Variants in TMA16 observed in about 807,000 individuals in gnomAD.
TMA16 encodes the protein translation machinery associated 16 homolog.
A neutral mutation model predicts 27.1 loss-of-function variants in TMA16; 26 were observed. The ratio of observed to expected loss-of-function variants is 0.96; its 90% CI spans 0.70 to 1.33. The LOEUF is 1.33. Ranked by LOEUF, TMA16 falls within the 40% of genes most tolerant of loss-of-function variation. TMA16 has a pLI of 0.00. For missense variants in TMA16, 233 were observed against 241.4 expected (o/e 0.97, Z 0.23); for synonymous variants, 71 against 81.9 (o/e 0.87, Z 0.72).
At chr4:163,498,891 C>T (rs1246101546) in intron 1 of TMA16, among the ~76,000 whole-genome samples, 1 of 152,092 alleles carries the variant, frequency 6.6e-6, no homozygotes, top group Non-Finnish European at 1.5e-5. Flanking sequence ...CTTCTGGCTT[C>T]AAATGATCTA....
intron 5 of TMA16, 112 bp from the exon 6 acceptor site, chr4:163,517,322 C>T (rs964496782): frequency 5.7e-6 from 6 of 1,058,848 alleles, no homozygotes; most frequent in African/African-American, 3.3e-5. Flanking sequence ...AGCAATACTT[C>T]GAAATTTTGT....
rs1318304177 is a variant in TMA16 at position 163,515,453 on chromosome 4, A to G, written c.380A>G (p.Tyr127Cys). ...CGGGAGCGACAGCAGTTTGAGGGAT[A>G]TGGCCTTGGTGTGCTCACTGATTTT... Reference protein sequence around the residue: ...MERERQQFEGYGLEIPDILNA... With the variant: ...MERERQQFEGCGLEIPDILNA... The change falls in exon 5 of 7, where the codon TAT becomes TGT. Residue 127 changes from tyrosine to cysteine, a missense_variant. By Grantham distance (194) the Tyr-to-Cys change is radical. Coordinates refer to ENST00000358572, the MANE Select transcript of TMA16 (RefSeq NM_018352.3). 9 of 1,613,474 alleles carry G rather than the reference A, an allele frequency of 5.6e-6. No homozygotes were observed. Among genetic ancestry groups the G allele is most frequent in the African/African-American group, 1.3e-5 (1 of 74,876 alleles).
intron 3 of TMA16, among the ~76,000 whole-genome samples, chr4:163,513,825 A>G (rs1440447461): frequency 6.6e-6 from 1 of 152,116 alleles, no homozygotes; most frequent in African/African-American, 2.4e-5. Flanking sequence ...TTTTGCATCC[A>G]TATTGGATAA....
chr4:163,495,105 C>T (rs1297154735), intron 1 of TMA16, among the ~76,000 whole-genome samples: 2 of 152,126 alleles, frequency 1.3e-5, no homozygotes, highest in Non-Finnish European at 2.9e-5. Context: ...CGGCACCTTT[C>T]CATTGTAACG....
intron 1 of TMA16, among the ~76,000 whole-genome samples, chr4:163,504,783 G>A (rs1737697132): frequency 6.6e-6 from 1 of 152,212 alleles, no homozygotes; most frequent in African/African-American, 2.4e-5. Flanking sequence ...ACAGGCATGA[G>A]CCACCATGCT....
At chr4:163,500,187 GT>G (rs935110476) in intron 1 of TMA16, among the ~76,000 whole-genome samples, 2 of 148,796 alleles carry the variant, frequency 1.3e-5, no homozygotes, top group African/African-American at 4.9e-5. Context: ...GAAACGTATA[GT>G]TTATTTATCC....
Position 163,519,887 on chromosome 4 carries a change from A to G in TMA16, c.*373A>G. 1 of 533,158 alleles carries G rather than the reference A, an allele frequency of 1.9e-6. No homozygotes were observed. The highest frequency in any genetic ancestry group is 2.0e-5 in the South Asian group (1 of 50,780). The allele number at this position is 533,158 out of a possible 1,614,324, so 33.0% of individuals were successfully genotyped here. A position where few individuals can be genotyped will look rare whatever the true frequency, so the allele number is the denominator to read the frequency against. On this transcript the variant is annotated 3_prime_UTR_variant, in exon 7 of 7. Transcript: ENST00000358572. ...TGTTTCCTGAAAGATTCCTGTGGGTACTTTTTGAGCTGTGATAATAGCAAA... is the reference window on the plus strand; with the variant it reads ...TGTTTCCTGAAAGATTCCTGTGGGTGCTTTTTGAGCTGTGATAATAGCAAA...
chr4:163,498,576 T>C (rs1024386595), intron 1 of TMA16, among the ~76,000 whole-genome samples: 3 of 152,202 alleles, frequency 2.0e-5, no homozygotes, highest in African/African-American at 7.2e-5. Context: ...CATGAGCCAC[T>C]GTGCCCGGCT....
In TMA16 at chr4:163,514,224, A is replaced by G. The variant is rs1012967337; in HGVS notation, c.239+66A>G. The G allele has an allele frequency of 1.0e-5, 13 of 1,282,750 alleles. 1 individual carries two copies. Among genetic ancestry groups the G allele is most frequent in the South Asian group, 7.5e-5 (5 of 66,758 alleles). The allele number at this position is 1,282,750 out of a possible 1,614,324, so 79.5% of individuals were successfully genotyped here. On this transcript the variant is annotated intron_variant, in intron 4 of 6. Transcript: ENST00000358572. ...GAATTGTCCAGCCTGGTTCTTTAAG[A>G]CACAGAGCTCTGTTACGGATTTGCA... is the stretch of plus-strand genomic sequence containing the variant.
chr4:163,520,287 A>G lies in TMA16; in HGVS notation c.*773A>G, dbSNP rs185524387. ...TTTTTCTTCTAAGAGATAAATTGAT[A>G]TATCATTCAGTGTCATGAAAAACAT... On this transcript the variant is annotated 3_prime_UTR_variant, in exon 7 of 7. Transcript: ENST00000358572. 411 of 205,856 alleles carry G rather than the reference A, an allele frequency of 2.0e-3. 1 individual carries two copies. Among genetic ancestry groups the G allele is most frequent in the Admixed American group, 3.7e-3 (62 of 16,608 alleles). The allele number at this position is 205,856 out of a possible 1,614,324, so 12.8% of individuals were successfully genotyped here.
chr4:163,519,744 A>C lies in TMA16; in HGVS notation c.*230A>C. On this transcript the variant is annotated 3_prime_UTR_variant, in exon 7 of 7. Coordinates refer to ENST00000358572, the MANE Select transcript of TMA16 (RefSeq NM_018352.3). The stretch of plus-strand genomic sequence containing the variant: ...TAGATGTGATCTGCAGAAGTTGTTT[A>C]GTCTTCATCTGAATTTCAGGCTGGG... 1.9e-6 allele frequency: 1 copy of C among 524,114 alleles called. No individual in the cohort carries two copies. Among genetic ancestry groups the C allele is most frequent in the Non-Finnish European group, 3.3e-6 (1 of 304,054 alleles). 32.5% of individuals were successfully genotyped at this position (524,114 alleles called of 1,614,324 possible).
chr4:163,509,504 T>C (rs1334943946), intron 2 of TMA16, among the ~76,000 whole-genome samples: 1 of 152,178 alleles, frequency 6.6e-6, no homozygotes, highest in African/African-American at 2.4e-5. Flanking sequence ...ACTGGGTGTT[T>C]CTGACCCAGC....
At position 163,499,525 on chromosome 4, in the gene TMA16, A is replaced by G. The variant is rs1737614436; in HGVS notation, c.3+4721A>G. On this transcript the variant is annotated intron_variant, in intron 1 of 6. Coordinates refer to ENST00000358572, the MANE Select transcript of TMA16 (RefSeq NM_018352.3). ...TTAAAAAGATTCCTATGCTTTTTATAGTTGTCCCTTGGTATCGAGGGATAT... is the reference window on the plus strand; with the variant it reads ...TTAAAAAGATTCCTATGCTTTTTATGGTTGTCCCTTGGTATCGAGGGATAT... Among the ~76,000 whole-genome samples the G allele has an allele frequency of 3.3e-5, 5 of 152,230 alleles. No homozygotes were observed. The South Asian group carries it at 1.0e-3, about 32-fold the overall frequency.
At chr4:163,508,226 C>T (rs746958140) in intron 2 of TMA16, among the ~76,000 whole-genome samples, 1 of 152,026 alleles carries the variant, frequency 6.6e-6, no homozygotes, top group Non-Finnish European at 1.5e-5. Context: ...CAGTATTTTG[C>T]AAACTTAAGT....
chr4:163,510,828 G>A (rs987742321), intron 2 of TMA16, among the ~76,000 whole-genome samples: 5 of 152,174 alleles, frequency 3.3e-5, no homozygotes, highest in African/African-American at 9.6e-5. Context: ...ATTGTTACAG[G>A]TACACAGCCC....
intron 2 of TMA16, among the ~76,000 whole-genome samples, chr4:163,507,685 A>G (rs1373981911): frequency 6.6e-6 from 1 of 152,128 alleles, no homozygotes; most frequent in Non-Finnish European, 1.5e-5. Flanking sequence ...TTGACAGGAA[A>G]GAGAAGAGAG....
intron 2 of TMA16, among the ~76,000 whole-genome samples, chr4:163,509,048 A>G (rs935149067): frequency 1.3e-5 from 2 of 152,342 alleles, no homozygotes; most frequent in South Asian, 4.1e-4. Flanking sequence ...TTTATTTTCA[A>G]AAAGTCACTC....
At chr4:163,517,326 A>C in intron 5 of TMA16, 108 bp from the exon 6 acceptor site, 25 of 1,116,564 alleles carry the variant, frequency 2.2e-5, no homozygotes, top group Non-Finnish European at 3.1e-5. Flanking sequence ...ATACTTCGAA[A>C]TTTTGTTTTC....
chr4:163,514,969 C>T (rs1228475801), intron 4 of TMA16, among the ~76,000 whole-genome samples: 1 of 151,762 alleles, frequency 6.6e-6, no homozygotes, highest in Non-Finnish European at 1.5e-5. Context: ...AGATAGGGAA[C>T]CCAGGAGATG....
Sources: gnomAD v4.1 joint callset for allele counts (sites outside exome capture counted in the v4.1 genomes callset) on GRCh38, gnomAD v4.1.1 for gene constraint, MANE v1.5 for transcripts, NCBI Gene and HGNC (gene_info 2026-07-23, HGNC 2026-07-21) for gene names.